Variants in UMODL1 observed in about 807,000 individuals in gnomAD.
UMODL1 encodes the protein uromodulin like 1.
Under a neutral mutation model 136.3 loss-of-function variants are expected in UMODL1, and 128 were observed. That is an observed-to-expected ratio of 0.94 (90% CI 0.81 to 1.09). The LOEUF (loss-of-function observed/expected upper bound fraction) is 1.09, where lower values mean the gene tolerates loss of function less well. Ranked by LOEUF, UMODL1 falls within the 50% of genes least tolerant of loss-of-function variation. The probability of loss-of-function intolerance (pLI) is 0.00; values close to 1 mark genes in which losing one functional copy is unlikely to be tolerated. For synonymous variants in UMODL1, 721 were observed against 720.0 expected (o/e 1.00, Z -0.02); for missense variants, 1,766 against 1,725.6 (o/e 1.02, Z -0.41).
chr21:42,139,487 C>T (rs533818388), intron 22 of UMODL1, among the ~76,000 whole-genome samples: 1 of 152,254 alleles, frequency 6.6e-6, no homozygotes, highest in South Asian at 2.1e-4. Flanking sequence ...CACCAGGCCC[C>T]ACCTTTAATA....
At chr21:42,090,676 T>C (rs2066481528) in intron 6 of UMODL1, among the ~76,000 whole-genome samples, 1 of 152,254 alleles carries the variant, frequency 6.6e-6, no homozygotes, top group African/African-American at 2.4e-5. Flanking sequence ...CAAAATATAG[T>C]GATTCTCAAT....
intron 13 of UMODL1, 60 bp downstream of exon 13, chr21:42,113,890 TG>T: frequency 6.4e-7 from 1 of 1,572,282 alleles, no homozygotes; most frequent in Non-Finnish European, 8.6e-7. Context: ...AGACTTTCTG[TG>T]GGTTAAGGCT....
chr21:42,113,516 T>A, intron 12 of UMODL1, 57 bp from the exon 13 acceptor site: 1 of 1,568,660 alleles, frequency 6.4e-7, no homozygotes, highest in South Asian at 1.2e-5. Flanking sequence ...GGGCGAGGCT[T>A]CTTTTCTCCT....
At chr21:42,126,584 C>T (rs963384955) in intron 18 of UMODL1, 94 bp downstream of exon 18, 15 of 1,562,038 alleles carry the variant, frequency 9.6e-6, no homozygotes, top group African/African-American at 4.1e-5. Context: ...CTTAAGGACC[C>T]TTCCTTGAGA....
intron 6 of UMODL1, among the ~76,000 whole-genome samples, chr21:42,097,839 G>A (rs145627851): frequency 9.6e-4 from 146 of 152,258 alleles, no homozygotes; most frequent in Middle Eastern, 3.4e-3. Flanking sequence ...AAAGAGCTTC[G>A]ATGCTATTTG....
intron 2 of UMODL1, among the ~76,000 whole-genome samples, chr21:42,076,674 T>C (rs1425515420): frequency 6.6e-6 from 1 of 152,094 alleles, no homozygotes; most frequent in Non-Finnish European, 1.5e-5. Flanking sequence ...TACCACTGAG[T>C]GTGAGAGCCA....
Position 42,109,579 on chromosome 21 carries a change from G to T in UMODL1, c.1537G>T (p.Asp513Tyr). 1 of 1,611,632 alleles carries T rather than the reference G, an allele frequency of 6.2e-7. No homozygotes were observed. ...CCTGGCAGACTGGGACGAGTGTGTG[G>T]ACAGCGCGGAACACGACTGCTCACC... ...TRVQDWDECV[D>Y]SAEHDCSPAA... Residue 513 changes from aspartate to tyrosine, a missense_variant, in exon 10 of 23, where the codon GAC (aspartate) becomes TAC (tyrosine). Asp to Tyr is a radical substitution (Grantham distance 160). Coordinates refer to ENST00000408910, the MANE Select transcript of UMODL1 (RefSeq NM_001004416.3).
chr21:42,067,660 G>T (rs1380624826), upstream of UMODL1, among the ~76,000 whole-genome samples: 1 of 152,206 alleles, frequency 6.6e-6, no homozygotes, highest in Non-Finnish European at 1.5e-5. Context: ...CCTTAGCTAT[G>T]CCTTTGCTGT....
chr21:42,133,630 G>T (rs567185526), intron 21 of UMODL1, among the ~76,000 whole-genome samples: 2 of 152,206 alleles, frequency 1.3e-5, no homozygotes, highest in African/African-American at 4.8e-5. Flanking sequence ...ACAGTCTCTC[G>T]CAACATTGTA....
chr21:42,135,492 C>G (rs2067193344), intron 21 of UMODL1, among the ~76,000 whole-genome samples: 1 of 152,172 alleles, frequency 6.6e-6, no homozygotes, highest in Non-Finnish European at 1.5e-5. Context: ...GGCTGAGAGT[C>G]CAGGGCCATT....
At chr21:42,112,015 A>G (rs1278457631) in intron 12 of UMODL1, among the ~76,000 whole-genome samples, 1 of 151,994 alleles carries the variant, frequency 6.6e-6, no homozygotes, top group East Asian at 1.9e-4. Flanking sequence ...TTGTCGCGTT[A>G]GGTGCTGGAG....
chr21:42,097,125 C>T (rs1234928551), intron 6 of UMODL1, among the ~76,000 whole-genome samples: 5 of 152,164 alleles, frequency 3.3e-5, no homozygotes, highest in Non-Finnish European at 7.3e-5. Context: ...AGAATGAATC[C>T]ATGTCTGTTT....
At chr21:42,075,839 G>A (rs138222916) in intron 1 of UMODL1, among the ~76,000 whole-genome samples, 166 bp from the exon 2 acceptor site, 335 of 152,384 alleles carry the variant, frequency 2.2e-3, no homozygotes, top group African/African-American at 7.3e-3. Flanking sequence ...TGGTGCACTA[G>A]CAGGCAAAGG....
intron 10 of UMODL1, among the ~76,000 whole-genome samples, chr21:42,110,677 G>C (rs574874263): frequency 2.6e-5 from 4 of 152,176 alleles, no homozygotes; most frequent in Admixed American, 2.0e-4. Context: ...GTGGAGAGGC[G>C]TGATTTGCCT....
chr21:42,137,516 G>A lies in UMODL1; in HGVS notation c.3853G>A (p.Ala1285Thr). 1 of 1,614,240 alleles carries A rather than the reference G, an allele frequency of 6.2e-7. No individual in the cohort carries two copies. Reference sequence around the variant, plus strand: ...TGTGGTGGCCATCTTCGTGCTGGTGGCGGGAACAGCCACCCTTCTGATCGT... The same window carrying A: ...TGTGGTGGCCATCTTCGTGCTGGTGACGGGAACAGCCACCCTTCTGATCGT... ...LIVVAIFVLV[A>T]GTATLLIVRY... Residue 1285 changes from alanine to threonine, a missense_variant, in exon 22 of 23, where the codon GCG becomes ACG. By Grantham distance (58) the Ala-to-Thr change is moderately conservative. Coordinates refer to ENST00000408910, the MANE Select transcript of UMODL1 (RefSeq NM_001004416.3).
At chr21:42,109,493 C>G in intron 9 of UMODL1, 69 bp from the exon 10 acceptor site, 1 of 1,583,384 alleles carries the variant, frequency 6.3e-7, no homozygotes, top group Non-Finnish European at 8.6e-7. Context: ...CTCCTTCCAG[C>G]ATGGGTCTGT....
Position 42,088,161 on chromosome 21 carries a change from T to C in UMODL1, c.604-133T>C, listed in dbSNP as rs1434816151. ...GATAGTGATGGATAGATAAGTACTG[T>C]AGAGGTTCTTTGCTGAAGAGCAGAA... On this transcript the variant is annotated intron_variant, in intron 4 of 22. Coordinates refer to ENST00000408910, the MANE Select transcript of UMODL1 (RefSeq NM_001004416.3). 58 of 888,028 alleles carry C rather than the reference T, an allele frequency of 6.5e-5. No homozygotes were observed. In the East Asian group the frequency reaches 1.5e-3, roughly 23 times the overall value. 55.0% of individuals were successfully genotyped at this position (888,028 alleles called of 1,614,324 possible).
intron 21 of UMODL1, among the ~76,000 whole-genome samples, chr21:42,133,542 G>C (rs1044374099): frequency 6.6e-6 from 1 of 152,226 alleles, no homozygotes; most frequent in Non-Finnish European, 1.5e-5. Context: ...CCCACAGCCT[G>C]GGTGGCTTGA....
At chr21:42,114,473 A>C (rs1487673911) in intron 13 of UMODL1, among the ~76,000 whole-genome samples, 1 of 152,204 alleles carries the variant, frequency 6.6e-6, no homozygotes, top group African/African-American at 2.4e-5. Flanking sequence ...TTTTCACGCC[A>C]TGGGCAGCTT....
Sources: allele counts gnomAD v4.1 joint callset (sites outside exome capture counted in the v4.1 genomes callset), GRCh38; gene constraint gnomAD v4.1.1; transcripts MANE v1.5; gene names NCBI Gene and HGNC (gene_info 2026-07-23, HGNC 2026-07-21).